Variants in SKAP1 observed in about 807,000 individuals in gnomAD.
SKAP1 encodes the protein src kinase associated phosphoprotein 1, also known as src kinase-associated phosphoprotein 1.
In SKAP1, 44 loss-of-function variants were observed where a neutral mutation model predicts 58.5. The ratio of observed to expected loss-of-function variants is 0.75; its 90% CI spans 0.59 to 0.97. The LOEUF (loss-of-function observed/expected upper bound fraction) is 0.97, where lower values mean the gene tolerates loss of function less well. SKAP1 is among the 50% of genes least tolerant of loss of function. The probability of loss-of-function intolerance (pLI) is 0.00; values close to 1 mark genes in which losing one functional copy is unlikely to be tolerated. For synonymous variants in SKAP1, 127 were observed against 149.7 expected, an observed-to-expected ratio of 0.85 and a Z score of 1.11; for missense variants, 390 against 435.2, an observed-to-expected ratio of 0.90 and a Z score of 0.92.
intron 1 of SKAP1, among the ~76,000 whole-genome samples, chr17:48,423,854 T>G (rs2067823504): frequency 6.6e-6 from 1 of 152,042 alleles, no homozygotes; most frequent in Non-Finnish European, 1.5e-5. Flanking sequence ...CCTTCTGGGC[T>G]CAAGTGATCC....
intron 1 of SKAP1, among the ~76,000 whole-genome samples, chr17:48,411,877 G>C (rs1331625622): frequency 6.6e-6 from 1 of 152,190 alleles, no homozygotes; most frequent in Non-Finnish European, 1.5e-5. Flanking sequence ...GTTACAGCAA[G>C]AGGCGCCCAA....
intron 11 of SKAP1, among the ~76,000 whole-genome samples, chr17:48,138,299 C>T (rs185008154): frequency 2.7e-5 from 4 of 150,758 alleles, no homozygotes; most frequent in African/African-American, 9.8e-5. Flanking sequence ...CCGGCTCCCA[C>T]GTTCAAGCAA....
chr17:48,311,050 T>C (rs2066217177), intron 4 of SKAP1, among the ~76,000 whole-genome samples: 1 of 151,864 alleles, frequency 6.6e-6, no homozygotes, highest in Non-Finnish European at 1.5e-5. Context: ...CTGAGCCACG[T>C]TGAGTAAATG....
intron 4 of SKAP1, among the ~76,000 whole-genome samples, chr17:48,318,818 T>C (rs1212022939): frequency 2.6e-5 from 4 of 152,186 alleles, no homozygotes; most frequent in Non-Finnish European, 5.9e-5. Context: ...TGAGTCATGA[T>C]TGCACCACTG....
intron 11 of SKAP1, among the ~76,000 whole-genome samples, chr17:48,145,009 G>A (rs953779619): frequency 1.3e-5 from 2 of 151,880 alleles, no homozygotes; most frequent in Admixed American, 1.3e-4. Context: ...ATACAAAATT[G>A]TTCAATGAAG....
chr17:48,283,721 T>G (rs1270250402), intron 4 of SKAP1, among the ~76,000 whole-genome samples: 2 of 152,164 alleles, frequency 1.3e-5, no homozygotes, highest in African/African-American at 4.8e-5. Context: ...CCATTCTGTT[T>G]CCCTCTGGGT....
chr17:48,313,384 G>A (rs934487964), intron 4 of SKAP1, among the ~76,000 whole-genome samples: 18 of 152,026 alleles, frequency 1.2e-4, no homozygotes, highest in Non-Finnish European at 8.8e-5. Context: ...AAGCTGACCC[G>A]TGAAGTTCTG....
In SKAP1 at chr17:48,189,456, T is replaced by C; in HGVS notation, c.325A>G (p.Ile109Val). The C allele has an allele frequency of 6.2e-7, 1 of 1,613,632 alleles. No individual in the cohort carries two copies. The highest frequency in any genetic ancestry group is 8.5e-7 in the Non-Finnish European group (1 of 1,179,808). Reference protein sequence around the residue: ...VKGAQELDNVIKQGYLEKKSK... With the variant: ...VKGAQELDNVVKQGYLEKKSK... Reference sequence around the variant, plus strand: ...TTCTTCTCCAAGTATCCTTGCTTGATTACGTTATCAAGTTCTTGAGCTCCT... The same window carrying C: ...TTCTTCTCCAAGTATCCTTGCTTGACTACGTTATCAAGTTCTTGAGCTCCT... Residue 109 changes from isoleucine (I) to valine (V), a missense_variant, in exon 5 of 13, where the codon ATC (isoleucine) becomes GTC (valine). Transcript: ENST00000336915.
At chr17:48,417,188 TG>T (rs2067741872) in intron 1 of SKAP1, among the ~76,000 whole-genome samples, 1 of 152,226 alleles carries the variant, frequency 6.6e-6, no homozygotes, top group African/African-American at 2.4e-5. Context: ...GGGCATGTTC[TG>T]GTTGTGGCTA....
intron 2 of SKAP1, among the ~76,000 whole-genome samples, chr17:48,372,944 CA>C (rs1341885854): frequency 6.6e-6 from 1 of 152,188 alleles, no homozygotes; most frequent in Non-Finnish European, 1.5e-5. Flanking sequence ...CCACTATGCC[CA>C]GCCCAGGACT....
chr17:48,213,812 C>A (rs534611198), intron 4 of SKAP1, among the ~76,000 whole-genome samples: 2 of 152,152 alleles, frequency 1.3e-5, no homozygotes, highest in Non-Finnish European at 2.9e-5. Context: ...TTTTTTCCCT[C>A]TTATCAAAAT....
chr17:48,328,706 T>TCAAAGCA lies in SKAP1; in HGVS notation c.280+17198_280+17199insTGCTTTG, dbSNP rs1459440421. On this transcript the variant is annotated intron_variant, in intron 4 of 12. Coordinates refer to ENST00000336915, the MANE Select transcript of SKAP1 (RefSeq NM_003726.4). ...AAGCACTTTGCCAGGTCACTTCCTT[T>TCAAAGCA]CTTCCACTCCACATCCTGTTTTCTC... is the stretch of plus-strand genomic sequence containing the variant. Among the ~76,000 whole-genome samples the TCAAAGCA allele has an allele frequency of 1.2e-4, 18 of 152,312 alleles. No homozygotes were observed. The Middle Eastern group carries it at 0.014, about 116-fold the overall frequency.
chr17:48,299,998 T>C (rs1475951599), intron 4 of SKAP1, among the ~76,000 whole-genome samples: 1 of 152,174 alleles, frequency 6.6e-6, no homozygotes, highest in Non-Finnish European at 1.5e-5. Context: ...TTTCAGGTCA[T>C]GGTTTCAAAT....
intron 2 of SKAP1, among the ~76,000 whole-genome samples, chr17:48,391,526 A>T (rs114769304): frequency 6.6e-6 from 1 of 152,226 alleles, no homozygotes; most frequent in Non-Finnish European, 1.5e-5. Context: ...TCTTTAACTC[A>T]GTTGTGAAAT....
intron 1 of SKAP1, among the ~76,000 whole-genome samples, chr17:48,427,400 C>T (rs2067865854): frequency 6.6e-6 from 1 of 152,062 alleles, no homozygotes; most frequent in Admixed American, 6.6e-5. Flanking sequence ...CCTGAGTCTC[C>T]CAACTTATTA....
intron 1 of SKAP1, among the ~76,000 whole-genome samples, chr17:48,400,420 G>A (rs2144545213): frequency 6.6e-6 from 1 of 152,164 alleles, no homozygotes; most frequent in Non-Finnish European, 1.5e-5. Context: ...TTTCTATATA[G>A]TGGCAATGAA....
chr17:48,162,925 T>A (rs1322351930), intron 10 of SKAP1, among the ~76,000 whole-genome samples: 1 of 152,236 alleles, frequency 6.6e-6, no homozygotes, highest in Non-Finnish European at 1.5e-5. Context: ...GGCAACTAAC[T>A]ATCTAGTTTT....
intron 4 of SKAP1, among the ~76,000 whole-genome samples, chr17:48,214,359 G>T (rs78845891): frequency 0.02 from 3,027 of 152,280 alleles, 42 homozygotes; most frequent in Middle Eastern, 0.054. Context: ...CAGCCCAAAG[G>T]ATGTATTGCC....
rs1009166300 is a variant in SKAP1, at chr17:48,358,970, A to G, written c.178+4819T>C. 5.3e-5 allele frequency among the ~76,000 whole-genome samples: 8 copies of G among 152,316 alleles called. No homozygotes were observed. In the East Asian group the frequency reaches 7.7e-4, roughly 15 times the overall value. ...TCAAAGCTTAGGCTCTTTCTATCAT[A>G]AAACATTAACTTGAACAACAATTTA... On this transcript the variant is annotated intron_variant, in intron 3 of 12. Transcript: ENST00000336915.
Sources: gnomAD v4.1 joint callset for allele counts (sites outside exome capture counted in the v4.1 genomes callset) on GRCh38, gnomAD v4.1.1 for gene constraint, MANE v1.5 for transcripts, NCBI Gene and HGNC (gene_info 2026-07-23, HGNC 2026-07-21) for gene names.